TEX2: variants seen among roughly 807,000 people sequenced by gnomAD.
The protein encoded by TEX2 is testis expressed 2.
TEX2 carries 53 observed loss-of-function variants against 106.9 expected under a neutral mutation model. That is an observed-to-expected ratio of 0.50 (90% CI 0.40 to 0.62). The LOEUF (loss-of-function observed/expected upper bound fraction) is 0.62. TEX2 is among the 20% of genes least tolerant of loss of function. The pLI, the probability that TEX2 is intolerant of heterozygous loss-of-function variation, is 0.00. For missense variants in TEX2, 1,207 were observed against 1,379.0 expected (o/e 0.88, Z 1.98); for synonymous variants, 523 against 534.8 (o/e 0.98, Z 0.30).
intron 6 of TEX2, among the ~76,000 whole-genome samples, chr17:64,176,878 A>AT (rs1322094154): frequency 2.6e-5 from 4 of 152,112 alleles, no homozygotes; most frequent in Non-Finnish European, 5.9e-5. Context: ...GTAGTCTAGC[A>AT]TTTTCTTCAG....
chr17:64,193,682 G>C lies in TEX2; in HGVS notation c.2053C>G (p.Gln685Glu). ...QEGTRSSQRDQILYLFGRTGR... is the reference protein window; with the variant it reads ...QEGTRSSQRDEILYLFGRTGR... ...GTTCTCCCAAAGAGATAGAGTATCTGATCTCGCTGGCTAGATCTTGTTCCC... is the reference window on the plus strand; with the variant it reads ...GTTCTCCCAAAGAGATAGAGTATCTCATCTCGCTGGCTAGATCTTGTTCCC... The change falls in exon 4 of 12, where the codon CAG becomes GAG. Residue 685 changes from glutamine (Q) to glutamate (E), a missense_variant. Physicochemically the swap from Gln to Glu is conservative, Grantham distance 29. Around this residue, in one of 3 missense-constraint regions of TEX2, gnomAD observed 1,067 missense variants for 1,193.6 expected, o/e 0.89. Transcript: ENST00000584379. 6.2e-7 allele frequency: 1 copy of C among 1,603,580 alleles called. No homozygotes were observed. The highest frequency in any genetic ancestry group is 8.5e-7 in the Non-Finnish European group (1 of 1,175,742).
intron 1 of TEX2, among the ~76,000 whole-genome samples, chr17:64,219,735 C>A (rs2033303766): frequency 6.6e-6 from 1 of 152,030 alleles, no homozygotes; most frequent in African/African-American, 2.4e-5. Flanking sequence ...GAAAAGAAAA[C>A]ATGAGGAACA....
At chr17:64,261,962 C>T (rs2034293809) in intron 1 of TEX2, among the ~76,000 whole-genome samples, 1 of 152,228 alleles carries the variant, frequency 6.6e-6, no homozygotes, top group Middle Eastern at 3.2e-3. Flanking sequence ...ACTCCCCATA[C>T]TCCAGAGTTC....
rs1460987372 is a variant in TEX2, at chr17:64,189,056, G to C, written c.2177-641C>G. 9.2e-4 allele frequency among the ~76,000 whole-genome samples: 140 copies of C among 152,128 alleles called. 2 individuals carry two copies. Among genetic ancestry groups the C allele is most frequent in the Non-Finnish European group, 1.8e-4 (12 of 68,028 alleles). On this transcript the variant is annotated intron_variant, in intron 4 of 11. Coordinates refer to ENST00000584379, the MANE Select transcript of TEX2 (RefSeq NM_001288732.2). ...TTGTCAGTGCTATCAGGGGTAAATG[G>C]AAAGTGGGTAGAGAGCTAATTAATT... is the stretch of plus-strand genomic sequence containing the variant.
Position 64,213,969 on chromosome 17 carries a change from A to T in TEX2, c.249T>A (p.His83Gln), listed in dbSNP as rs1555632216. Residue 83 changes from histidine (H) to glutamine (Q), a missense_variant, in exon 2 of 12, where the codon CAT becomes CAA. Around this residue, in one of 3 missense-constraint regions of TEX2, gnomAD observed 1,067 missense variants for 1,193.6 expected, o/e 0.89. Coordinates refer to ENST00000584379, the MANE Select transcript of TEX2 (RefSeq NM_001288732.2). The surrounding 1 kb of genome is among the most constrained non-coding windows in gnomAD (Gnocchi z 4.4). ...EDLYLEPQVG[H>Q]DPAGPAASPV... ...GCGAGGCAGCAGGGCCGGCGGGGTC[A>T]TGGCCAACTTGGGGTTCAAGATAGA... 4 of 1,614,194 alleles carry T rather than the reference A, an allele frequency of 2.5e-6. No individual in the cohort carries two copies. In the South Asian group the frequency reaches 4.4e-5, roughly 18 times the overall value.
intron 2 of TEX2, among the ~76,000 whole-genome samples, chr17:64,211,836 C>A (rs1259030819): frequency 6.6e-6 from 1 of 151,940 alleles, no homozygotes; most frequent in South Asian, 2.1e-4. Context: ...TTTTAATATG[C>A]AAAAAAATAA....
At chr17:64,220,598 A>G (rs1555633189) in intron 1 of TEX2, among the ~76,000 whole-genome samples, 2 of 152,254 alleles carry the variant, frequency 1.3e-5, no homozygotes, top group Non-Finnish European at 2.9e-5. Context: ...AAAATATGAA[A>G]AAAAGCTAAA....
At chr17:64,219,499 C>A (rs1567951372) in intron 1 of TEX2, among the ~76,000 whole-genome samples, 2 of 128,620 alleles carry the variant, frequency 1.6e-5, no homozygotes, top group African/African-American at 6.0e-5. Flanking sequence ...GAGTGAGACT[C>A]CATCTCATCA....
intron 11 of TEX2, 196 bp downstream of exon 11, chr17:64,150,645 T>C (rs1567903003): frequency 8.7e-6 from 4 of 457,152 alleles, no homozygotes; most frequent in Non-Finnish European, 1.5e-5. Context: ...AGTAATGTTC[T>C]GTGGATAAGT....
rs188309593 is a variant in TEX2 at position 64,258,147 on chromosome 17, G to A, written c.-26+5021C>T. ...GGCTGGTCTGGAACTCCTGAGCTCA[G>A]GCAATCTGCCCACCTCAGCCTCCCA... On this transcript the variant is annotated intron_variant, in intron 1 of 11. Transcript: ENST00000584379. 2.6e-5 allele frequency among the ~76,000 whole-genome samples: 4 copies of A among 152,068 alleles called. No homozygotes were observed. The East Asian group carries it at 7.7e-4, about 29-fold the overall frequency.
chr17:64,229,160 T>C lies in TEX2; in HGVS notation c.-25-14918A>G, dbSNP rs192688923. ...TCTAGAGTGGAGTTGCTGGGTCAAA[T>C]GAGGTACATATTTAAAATTCTGAAA... On this transcript the variant is annotated intron_variant, in intron 1 of 11. Coordinates refer to ENST00000584379, the MANE Select transcript of TEX2 (RefSeq NM_001288732.2). Among the ~76,000 whole-genome samples the C allele has an allele frequency of 5.5e-4, 84 of 152,334 alleles. 1 individual carries two copies. The highest frequency in any genetic ancestry group is 2.0e-3 in the African/African-American group (82 of 41,578).
chr17:64,183,260 T>C (rs2031950639), intron 5 of TEX2, among the ~76,000 whole-genome samples: 1 of 152,234 alleles, frequency 6.6e-6, no homozygotes, highest in African/African-American at 2.4e-5. Flanking sequence ...TGTGTACAAG[T>C]GTTTGTGTAA....
intron 2 of TEX2, among the ~76,000 whole-genome samples, chr17:64,200,410 GT>G (rs2032620483): frequency 6.6e-6 from 1 of 152,166 alleles, no homozygotes. Context: ...CAGGGATTCG[GT>G]TTTTAGCCAC....
chr17:64,241,410 C>T (rs2033887004), intron 1 of TEX2, among the ~76,000 whole-genome samples: 1 of 152,184 alleles, frequency 6.6e-6, no homozygotes. Flanking sequence ...GACACTGACA[C>T]CAAAGTCCTA....
chr17:64,164,254 A>G (rs1567910571), intron 7 of TEX2, among the ~76,000 whole-genome samples: 1 of 152,162 alleles, frequency 6.6e-6, no homozygotes, highest in Non-Finnish European at 1.5e-5. Flanking sequence ...CCTGGCCATC[A>G]TGGTGAAACC....
intron 5 of TEX2, among the ~76,000 whole-genome samples, chr17:64,183,528 G>A (rs145910611): frequency 0.02 from 3,097 of 152,248 alleles, 49 homozygotes; most frequent in South Asian, 0.098. Context: ...CCAGGTTCAA[G>A]TGATTCTCGT....
At chr17:64,154,031 A>C (rs879753773) in intron 9 of TEX2, among the ~76,000 whole-genome samples, 4 of 152,236 alleles carry the variant, frequency 2.6e-5, no homozygotes, top group Non-Finnish European at 5.9e-5. Context: ...CATGAGACTC[A>C]GAAGAAAGGA....
chr17:64,154,705 A>C (rs1020569192), intron 9 of TEX2, 137 bp downstream of exon 9: 6 of 1,105,050 alleles, frequency 5.4e-6, no homozygotes, highest in Non-Finnish European at 7.4e-6. Flanking sequence ...CTGACCTGGG[A>C]TATTAATAAA....
chr17:64,171,029 A>AG lies in TEX2; in HGVS notation c.2671+70dup, dbSNP rs202200304. On this transcript the variant is annotated intron_variant, in intron 7 of 11. Transcript: ENST00000584379. The stretch of plus-strand genomic sequence containing the variant: ...AGTCCTCAACACCCTCCAAACACAA[A>AG]GCCATCATGGTACTGAATCTGCAGC... 8.6e-3 allele frequency: 10,730 copies of AG among 1,245,418 alleles called. 91 individuals are homozygous for AG. The highest frequency in any genetic ancestry group is 9.1e-3 in the Non-Finnish European group (7,811 of 853,926). The allele number at this position is 1,245,418 out of a possible 1,614,324, so 77.1% of individuals were successfully genotyped here.
Sources: allele counts gnomAD v4.1 joint callset (sites outside exome capture counted in the v4.1 genomes callset), GRCh38; gene constraint gnomAD v4.1.1; regional missense constraint gnomAD v4.1.1; non-coding constraint Gnocchi (gnomAD v3.1); transcripts MANE v1.5; gene names NCBI Gene and HGNC (gene_info 2026-07-23, HGNC 2026-07-21).